Variants in TRIM5 observed in about 807,000 individuals in gnomAD.
The protein encoded by TRIM5 is tripartite motif-containing protein 5.
In TRIM5, 31 loss-of-function variants were observed where a neutral mutation model predicts 35.6. The observed-to-expected ratio is 0.87, with a 90% CI of 0.65 to 1.18. The LOEUF (loss-of-function observed/expected upper bound fraction) is 1.18. Ranked by LOEUF, TRIM5 falls within the 50% of genes most tolerant of loss-of-function variation. TRIM5 has a pLI of 0.00. For synonymous variants in TRIM5, 243 were observed against 215.6 expected, an observed-to-expected ratio of 1.13 and a Z score of -1.11; for missense variants, 609 against 591.6, an observed-to-expected ratio of 1.03 and a Z score of -0.31.
chr11:5,671,789 C>T (rs982178124), intron 4 of TRIM5, among the ~76,000 whole-genome samples: 6 of 145,954 alleles, frequency 4.1e-5, no homozygotes, highest in Admixed American at 1.4e-4. Flanking sequence ...TATGTTGCTA[C>T]ATTTTCAAGT....
rs769401485 is a variant in TRIM5, at chr11:5,679,889, G to A, written c.289C>T (p.Arg97Cys). The change falls in exon 2 of 8, where the codon CGC (arginine) becomes TGC (cysteine). Residue 97 changes from arginine (R) to cysteine (C), a missense_variant. Coordinates refer to ENST00000380034, the MANE Select transcript of TRIM5 (RefSeq NM_033034.3). ...AAGAGTAGAAGTTTCTCTCCATGGC[G>A]TGCACAATGATCAACTTTCTGCCCC... ...PEGQKVDHCA[R>C]HGEKLLLFCQ... is the part of the protein sequence containing the mutation. 11 of 1,613,722 alleles carry A rather than the reference G, an allele frequency of 6.8e-6. No individual in the cohort carries two copies. Among genetic ancestry groups the A allele is most frequent in the Admixed American group, 1.7e-5 (1 of 59,960 alleles).
At chr11:5,630,395 C>G in the TRIM5 span, among the ~76,000 whole-genome samples, 2 of 152,304 alleles carry the variant, frequency 1.3e-5, no homozygotes, top group Admixed American at 1.3e-4. Context: ...CCTGCATCCT[C>G]CCATCCCTGC....
chr11:5,594,313 TC>T, the TRIM5 span, among the ~76,000 whole-genome samples: 2 of 152,146 alleles, frequency 1.3e-5, no homozygotes, highest in South Asian at 4.1e-4. Context: ...TTTTTTGTTT[TC>T]TTTTTTGTTT....
intron 4 of TRIM5, among the ~76,000 whole-genome samples, chr11:5,674,688 C>G (rs1851813506): frequency 6.6e-6 from 1 of 152,254 alleles, no homozygotes; most frequent in African/African-American, 2.4e-5. Flanking sequence ...CGAGGTTGCC[C>G]TCAGTGGTAG....
rs58536860 is a variant in TRIM5, at chr11:5,663,294, T to A, written c.*1515A>T. ...TATTTTTTACAATTAATAAACTGATTCCCACATAATTCAGTTTGTTTGATA... is the reference window on the plus strand; with the variant it reads ...TATTTTTTACAATTAATAAACTGATACCCACATAATTCAGTTTGTTTGATA... On this transcript the variant is annotated 3_prime_UTR_variant, in exon 8 of 8. Transcript: ENST00000380034. 49 of 947,880 alleles carry A rather than the reference T, an allele frequency of 5.2e-5. No homozygotes were observed. The East Asian group carries it at 5.5e-3, about 106-fold the overall frequency. The allele number at this position is 947,880 out of a possible 1,614,324, so 58.7% of individuals were successfully genotyped here. A position where few individuals can be genotyped will look rare whatever the true frequency, so the allele number is the denominator to read the frequency against.
the TRIM5 span, chr11:5,612,609 C>G: frequency 6.6e-6 from 1 of 152,200 alleles, no homozygotes; most frequent in Admixed American, 6.5e-5. Context: ...CAGGAACAAA[C>G]AGCTGTTGAG....
At chr11:5,593,887 C>T in the TRIM5 span, among the ~76,000 whole-genome samples, 1 of 152,274 alleles carries the variant, frequency 6.6e-6, no homozygotes, top group East Asian at 1.9e-4. Context: ...TCATATTACC[C>T]CACCAAACCT....
chr11:5,665,467 A>T (rs1304918660), intron 7 of TRIM5, 72 bp from the exon 8 acceptor site: 2 of 1,543,580 alleles, frequency 1.3e-6, no homozygotes, highest in African/African-American at 2.8e-5. Flanking sequence ...AAATCTTGAT[A>T]AAGACTTGAG....
chr11:5,665,924 T>G (rs889050761), intron 6 of TRIM5, 57 bp downstream of exon 6: 2 of 1,518,006 alleles, frequency 1.3e-6, no homozygotes, highest in Non-Finnish European at 1.8e-6. Flanking sequence ...CTTCCCTATT[T>G]AGCACCCTAA....
At chr11:5,602,266 T>C in the TRIM5 span, among the ~76,000 whole-genome samples, 8,765 of 141,108 alleles carry the variant, frequency 0.062, 364 homozygotes, top group African/African-American at 0.12. Context: ...CAGTGAAACC[T>C]CATCTCTACT....
chr11:5,632,221 C>A, the TRIM5 span: 1 of 1,540,634 alleles, frequency 6.5e-7, no homozygotes. Context: ...TTTATTTGTA[C>A]CATTCTTATA....
At chr11:5,643,837 G>A in the TRIM5 span, 1 of 1,258,090 alleles carries the variant, frequency 7.9e-7, no homozygotes, top group Non-Finnish European at 1.1e-6. Flanking sequence ...TCCTTGAGAT[G>A]TATGGTGTAT....
the TRIM5 span, among the ~76,000 whole-genome samples, chr11:5,637,672 A>C: frequency 6.6e-6 from 1 of 152,162 alleles, no homozygotes; most frequent in South Asian, 2.1e-4. Flanking sequence ...GCAACCATTA[A>C]GTGGGATCCC....
the TRIM5 span, among the ~76,000 whole-genome samples, chr11:5,593,296 T>C: frequency 6.6e-6 from 1 of 152,218 alleles, no homozygotes. Flanking sequence ...TTTGTTCCCA[T>C]CAGCTCCCAG....
chr11:5,589,229 AG>A, the TRIM5 span: 1 of 151,938 alleles, frequency 6.6e-6, no homozygotes, highest in Non-Finnish European at 1.5e-5. Flanking sequence ...GGAATCTTAG[AG>A]GAAAAATTAT....
chr11:5,626,873 A>C, the TRIM5 span: 2 of 147,688 alleles, frequency 1.4e-5, no homozygotes, highest in African/African-American at 2.6e-5. Context: ...AAAGAGCAAG[A>C]CTCTGTCTCA....
the TRIM5 span, among the ~76,000 whole-genome samples, chr11:5,654,005 G>A: frequency 1.3e-5 from 2 of 151,704 alleles, no homozygotes; most frequent in African/African-American, 4.8e-5. Context: ...ATTTCTGTTT[G>A]GCTCTTTTTA....
chr11:5,645,865 T>C, the TRIM5 span: 1 of 84,684 alleles, frequency 1.2e-5, no homozygotes. Flanking sequence ...TCTAGTCTTC[T>C]GGAAAAAAAA....
At chr11:5,647,801 G>A in the TRIM5 span, among the ~76,000 whole-genome samples, 3 of 152,106 alleles carry the variant, frequency 2.0e-5, no homozygotes, top group Non-Finnish European at 2.9e-5. Context: ...GATTATAAGC[G>A]TGAACCACCA....
Sources: gnomAD v4.1 joint callset for allele counts (sites outside exome capture counted in the v4.1 genomes callset) on GRCh38, gnomAD v4.1.1 for gene constraint, MANE v1.5 for transcripts, NCBI Gene and HGNC (gene_info 2026-07-23, HGNC 2026-07-21) for gene names.